Variants in VAV3 observed in about 807,000 individuals in gnomAD.
VAV3 encodes guanine nucleotide exchange factor VAV3.
A neutral mutation model predicts 131.2 loss-of-function variants in VAV3; 94 were observed. The ratio of observed to expected loss-of-function variants is 0.72; its 90% CI spans 0.61 to 0.85. The LOEUF (loss-of-function observed/expected upper bound fraction) is 0.85, where lower values mean the gene tolerates loss of function less well. Ranked by LOEUF, VAV3 falls within the 40% of genes least tolerant of loss-of-function variation. The pLI, the probability that VAV3 is intolerant of heterozygous loss-of-function variation, is 0.00. For missense variants in VAV3, 939 were observed against 1,002.7 expected, an observed-to-expected ratio of 0.94 and a Z score of 0.86; for synonymous variants, 349 against 342.0, an observed-to-expected ratio of 1.02 and a Z score of -0.22.
chr1:107,834,134 G>A lies in VAV3; in HGVS notation c.321+40767C>T, dbSNP rs116111431. On this transcript the variant is annotated intron_variant, in intron 2 of 26. Coordinates refer to ENST00000370056, the MANE Select transcript of VAV3 (RefSeq NM_006113.5). ...TAAATAATTCTTGTTTTCTCATTAT[G>A]CAATTTTGTGTGGCCATATATAAAC... 3.8e-3 allele frequency among the ~76,000 whole-genome samples: 584 copies of A among 152,240 alleles called. 2 individuals are homozygous for A. The highest frequency in any genetic ancestry group is 0.017 in the Middle Eastern group (5 of 294).
chr1:107,856,335 G>A (rs1311910365), intron 2 of VAV3, among the ~76,000 whole-genome samples: 1 of 152,132 alleles, frequency 6.6e-6, no homozygotes, highest in Non-Finnish European at 1.5e-5. Context: ...ATTCTTAGTA[G>A]TTGGGAGCTA....
chr1:107,945,504 C>T (rs947801247), intron 1 of VAV3, among the ~76,000 whole-genome samples: 7 of 152,096 alleles, frequency 4.6e-5, no homozygotes, highest in African/African-American at 1.7e-4. Flanking sequence ...GTGGCCCCTG[C>T]CATCGTGAAG....
chr1:107,822,437 G>A (rs900169148), intron 2 of VAV3, among the ~76,000 whole-genome samples: 7 of 152,070 alleles, frequency 4.6e-5, no homozygotes, highest in African/African-American at 1.4e-4. Context: ...GGCGGATCAC[G>A]AGGTCAGGAG....
In VAV3 at chr1:107,606,793, A is replaced by G. The variant is rs535376177; in HGVS notation, c.2015+3138T>C. Among the ~76,000 whole-genome samples, 4 of 141,828 alleles carry G rather than the reference A, an allele frequency of 2.8e-5. No homozygotes were observed. The East Asian group carries it at 8.0e-4, about 29-fold the overall frequency. The allele number at this position is 141,828 out of a possible 152,430, so 93.0% of individuals were successfully genotyped here. A position where few individuals can be genotyped will look rare whatever the true frequency, so the allele number is the denominator to read the frequency against. On this transcript the variant is annotated intron_variant, in intron 22 of 26. Coordinates refer to ENST00000370056, the MANE Select transcript of VAV3 (RefSeq NM_006113.5). ...TTTTTTAAGGTGTCTGCTCACTCCA[A>G]TGGTTTCTTCTTTTTTTTTTTTTTT...
intron 1 of VAV3, among the ~76,000 whole-genome samples, chr1:107,907,384 G>A (rs1022846007): frequency 7.2e-5 from 11 of 152,044 alleles, no homozygotes; most frequent in African/African-American, 2.7e-4. Context: ...GATAAAAGCA[G>A]CTTACCAAAA....
At chr1:107,914,867 C>G (rs1672536317) in intron 1 of VAV3, among the ~76,000 whole-genome samples, 1 of 152,202 alleles carries the variant, frequency 6.6e-6, no homozygotes, top group African/African-American at 2.4e-5. Flanking sequence ...ACAAAACCAG[C>G]ACACATAAAG....
intron 19 of VAV3, among the ~76,000 whole-genome samples, chr1:107,681,654 CTTTTTTT>C (rs66909735): frequency 7.8e-6 from 1 of 127,414 alleles, no homozygotes; most frequent in Non-Finnish European, 1.7e-5. Context: ...TAATGGAAAA[CTTTTTTT>C]TTTTTTTTTT....
intron 19 of VAV3, chr1:107,668,964 G>A (rs1467671319): frequency 2.2e-5 from 22 of 989,700 alleles, no homozygotes; most frequent in Non-Finnish European, 2.5e-5. Flanking sequence ...CAACTCTTTC[G>A]CGATACGGGT....
intron 22 of VAV3, among the ~76,000 whole-genome samples, chr1:107,605,319 C>A (rs915412926): frequency 6.6e-6 from 1 of 152,080 alleles, no homozygotes; most frequent in Non-Finnish European, 1.5e-5. Context: ...GGATTAATGA[C>A]CTTATCATAG....
At chr1:107,687,308 G>C (rs1659099479) in intron 18 of VAV3, among the ~76,000 whole-genome samples, 1 of 151,834 alleles carries the variant, frequency 6.6e-6, no homozygotes, top group African/African-American at 2.4e-5. Context: ...ATGTACTTAT[G>C]CAAAAAGTAG....
At chr1:107,725,169 C>G (rs1019805898) in intron 15 of VAV3, among the ~76,000 whole-genome samples, 2 of 152,150 alleles carry the variant, frequency 1.3e-5, no homozygotes, top group Non-Finnish European at 2.9e-5. Flanking sequence ...ACTCTTACAA[C>G]AGTCAGTTGG....
At chr1:107,790,679 CTTTTTTTTTT>C (rs145926469) in intron 2 of VAV3, among the ~76,000 whole-genome samples, 4 of 69,818 alleles carry the variant, frequency 5.7e-5, no homozygotes, top group African/African-American at 1.2e-4. Context: ...AAATGTCTTC[CTTTTTTTTTT>C]TTTTTTTTTT....
intron 13 of VAV3, among the ~76,000 whole-genome samples, chr1:107,750,143 TCA>T (rs1285214340): frequency 6.6e-6 from 1 of 152,168 alleles, no homozygotes; most frequent in Non-Finnish European, 1.5e-5. Context: ...TTGCTCAAGA[TCA>T]CACTGCTAGT....
chr1:107,751,183 A>G lies in VAV3; in HGVS notation c.1193T>C (p.Phe398Ser), dbSNP rs771906225. The change falls in exon 13 of 27, where the codon TTT (phenylalanine) becomes TCT (serine). Residue 398 changes from phenylalanine to serine, a missense_variant. Transcript: ENST00000370056. The part of the protein sequence containing the change: ...IENLNQPVLL[F>S]GRPQGDGEIR... ...TTCACCATCTCCCTGAGGTCGTCCA[A>G]AAAGCAAAACTGGTTGGTTCTAAAA... is the stretch of plus-strand genomic sequence containing the variant. The G allele has an allele frequency of 6.2e-7, 1 of 1,612,816 alleles. No homozygotes were observed. The highest frequency in any genetic ancestry group is 2.2e-5 in the East Asian group (1 of 44,800).
At chr1:107,784,164 C>T (rs1665858488) in intron 2 of VAV3, among the ~76,000 whole-genome samples, 1 of 152,106 alleles carries the variant, frequency 6.6e-6, no homozygotes, top group Non-Finnish European at 1.5e-5. Flanking sequence ...CCTCTCTCTT[C>T]TGCCTAAATG....
At chr1:107,626,458 C>T (rs962377728) in intron 20 of VAV3, among the ~76,000 whole-genome samples, 2 of 152,128 alleles carry the variant, frequency 1.3e-5, no homozygotes, top group Non-Finnish European at 2.9e-5. Context: ...CTGTCAAAAT[C>T]AAGGTCTCAT....
intron 15 of VAV3, among the ~76,000 whole-genome samples, chr1:107,712,519 A>T (rs1660847232): frequency 6.6e-6 from 1 of 152,236 alleles, no homozygotes; most frequent in Non-Finnish European, 1.5e-5. Flanking sequence ...ATGTTTTTAG[A>T]AGTATAGTTA....
intron 19 of VAV3, among the ~76,000 whole-genome samples, chr1:107,647,440 A>T (rs1460624962): frequency 2.0e-5 from 3 of 151,978 alleles, no homozygotes; most frequent in Non-Finnish European, 4.4e-5. Context: ...TGGCAGTTTC[A>T]GAAGAAAGCA....
intron 15 of VAV3, among the ~76,000 whole-genome samples, chr1:107,732,288 G>C (rs1172665776): frequency 6.6e-6 from 1 of 152,228 alleles, no homozygotes; most frequent in Non-Finnish European, 1.5e-5. Context: ...GCAGCTCCCA[G>C]CGTGACTGAC....
Sources: gnomAD v4.1 joint callset for allele counts (sites outside exome capture counted in the v4.1 genomes callset) on GRCh38, gnomAD v4.1.1 for gene constraint, MANE v1.5 for transcripts, NCBI Gene and HGNC (gene_info 2026-07-23, HGNC 2026-07-21) for gene names.